PANK3: variants seen among roughly 807,000 people sequenced by gnomAD.
PANK3 encodes hPanK3.
In PANK3, 20 loss-of-function variants were observed where a neutral mutation model predicts 39.4. The ratio of observed to expected loss-of-function variants is 0.51; its 90% CI spans 0.36 to 0.74. The LOEUF is 0.74. Among genes scored for constraint, PANK3 ranks in the 30% least tolerant of loss-of-function variants. The probability of loss-of-function intolerance (pLI) is 0.00; values close to 1 mark genes in which losing one functional copy is unlikely to be tolerated. For missense variants in PANK3, 265 were observed against 437.0 expected, an observed-to-expected ratio of 0.61 and a Z score of 3.51; for synonymous variants, 140 against 157.3, an observed-to-expected ratio of 0.89 and a Z score of 0.82.
At chr5:168,570,149 G>A (rs1488857109) in intron 1 of PANK3, among the ~76,000 whole-genome samples, 3 of 152,134 alleles carry the variant, frequency 2.0e-5, no homozygotes, top group East Asian at 1.9e-4. Flanking sequence ...TTGGGAGGCC[G>A]AGACGGGTGG....
intron 2 of PANK3, among the ~76,000 whole-genome samples, chr5:168,567,661 T>C (rs1255077110): frequency 1.3e-5 from 2 of 152,194 alleles, no homozygotes; most frequent in South Asian, 4.1e-4. Context: ...CTGTCACCCA[T>C]GCTGGAGTGC....
chr5:168,563,736 T>C (rs1439829056), intron 4 of PANK3, among the ~76,000 whole-genome samples, 153 bp downstream of exon 4: 2 of 152,158 alleles, frequency 1.3e-5, no homozygotes, highest in African/African-American at 4.8e-5. Context: ...AATGTATACT[T>C]AATTTTTAAA....
chr5:168,579,198 T>C, intron 1 of PANK3, 58 bp downstream of exon 1: 1 of 1,441,922 alleles, frequency 6.9e-7, no homozygotes, highest in Non-Finnish European at 9.2e-7. Context: ...GCCAAGGGGC[T>C]TTCAGACGGG....
Position 168,552,590 on chromosome 5 carries a change from G to A in PANK3, c.*4981C>T, listed in dbSNP as rs773203815. 2.4e-5 allele frequency: 5 copies of A among 211,226 alleles called. No homozygotes were observed. The East Asian group carries it at 4.6e-4, about 20-fold the overall frequency. 13.1% of individuals were successfully genotyped at this position (211,226 alleles called of 1,614,324 possible). A position where few individuals can be genotyped will look rare whatever the true frequency, so the allele number is the denominator to read the frequency against. ...GTGTGGCCACAGTATTCCAGGGAAC[G>A]GAGTCTGGTCCAACTTCAGAGAAGG... On this transcript the variant is annotated 3_prime_UTR_variant, in exon 7 of 7. Transcript: ENST00000239231.
chr5:168,563,875 A>C lies in PANK3; in HGVS notation c.812+14T>G, dbSNP rs1300319005. Reference sequence around the variant, plus strand: ...TAACTTCTGTAACTTAAATAACACAAATGTTAAACTTACCTAGATGCTACA... The same window carrying C: ...TAACTTCTGTAACTTAAATAACACACATGTTAAACTTACCTAGATGCTACA... On this transcript the variant is annotated intron_variant, in intron 4 of 6. Transcript: ENST00000239231. The C allele has an allele frequency of 6.4e-7, 1 of 1,560,078 alleles. No homozygotes were observed. Among genetic ancestry groups the C allele is most frequent in the Admixed American group, 2.0e-5 (1 of 50,160 alleles).
In PANK3 at chr5:168,553,245, G is replaced by T; in HGVS notation, c.*4326C>A. On this transcript the variant is annotated 3_prime_UTR_variant, in exon 7 of 7. Coordinates refer to ENST00000239231, the MANE Select transcript of PANK3 (RefSeq NM_024594.4). Reference sequence around the variant, plus strand: ...CCAGAATACCAACGACGTCCAGCTGGTTGAGAGCACTAAAGGTACCCCAAA... The same window carrying T: ...CCAGAATACCAACGACGTCCAGCTGTTTGAGAGCACTAAAGGTACCCCAAA... 1.9e-6 allele frequency: 1 copy of T among 513,886 alleles called. No individual in the cohort carries two copies. Among genetic ancestry groups the T allele is most frequent in the Non-Finnish European group, 4.0e-6 (1 of 252,514 alleles). 31.8% of individuals were successfully genotyped at this position (513,886 alleles called of 1,614,324 possible).
In PANK3 at chr5:168,551,749, C is replaced by T. The variant is rs1759273990; in HGVS notation, c.*5822G>A. 1 of 152,036 alleles carries T rather than the reference C, an allele frequency of 6.6e-6. No individual in the cohort carries two copies. Among genetic ancestry groups the T allele is most frequent in the South Asian group, 2.1e-4 (1 of 4,828 alleles). 9.4% of individuals were successfully genotyped at this position (152,036 alleles called of 1,614,324 possible). A position where few individuals can be genotyped will look rare whatever the true frequency, so the allele number is the denominator to read the frequency against. ...GGACTGGTATTTACATTATAGCAAT[C>T]ACATGTACACTCAAAGGTAAAAGAA... On this transcript the variant is annotated 3_prime_UTR_variant, in exon 7 of 7. Transcript: ENST00000239231.
intron 1 of PANK3, among the ~76,000 whole-genome samples, chr5:168,577,028 G>A (rs923461113): frequency 6.6e-6 from 1 of 151,982 alleles, no homozygotes; most frequent in Non-Finnish European, 1.5e-5. Flanking sequence ...CTACAGGCGC[G>A]TGCCACCATG....
At chr5:168,575,469 C>G (rs1178335638) in intron 1 of PANK3, among the ~76,000 whole-genome samples, 5 of 152,100 alleles carry the variant, frequency 3.3e-5, no homozygotes, top group Admixed American at 2.0e-4. Flanking sequence ...ACTAACATAA[C>G]TATTTAATTG....
At chr5:168,562,551 AG>A (rs1480793958) in intron 4 of PANK3, among the ~76,000 whole-genome samples, 5 of 152,226 alleles carry the variant, frequency 3.3e-5, no homozygotes, top group Non-Finnish European at 7.3e-5. Context: ...GGGGTGCACA[AG>A]CAACAATGGT....
chr5:168,561,943 C>T (rs370462582), intron 4 of PANK3, among the ~76,000 whole-genome samples: 4 of 152,296 alleles, frequency 2.6e-5, no homozygotes, highest in African/African-American at 9.6e-5. Flanking sequence ...TAGTCTAGTG[C>T]AGCACTGTCC....
Position 168,559,018 on chromosome 5 carries a change from T to C in PANK3, c.1062+14A>G, listed in dbSNP as rs187125611. 1.5e-4 allele frequency: 244 copies of C among 1,595,556 alleles called. 1 individual carries two copies. In the East Asian group the frequency reaches 5.0e-3, roughly 33 times the overall value. The stretch of plus-strand genomic sequence containing the variant: ...ATGCTATTAAAATTCACAAAAAACA[T>C]TTTCCTACCATACCTCATGTTCTAG... On this transcript the variant is annotated intron_variant, in intron 6 of 6. Coordinates refer to ENST00000239231, the MANE Select transcript of PANK3 (RefSeq NM_024594.4).
At chr5:168,568,413 T>C (rs1253825046) in intron 2 of PANK3, among the ~76,000 whole-genome samples, 1 of 152,240 alleles carries the variant, frequency 6.6e-6, no homozygotes, top group Non-Finnish European at 1.5e-5. Flanking sequence ...ATTGTAGCTT[T>C]GTAGTACAGC....
chr5:168,565,857 T>TA (rs33910263), intron 3 of PANK3, among the ~76,000 whole-genome samples, 156 bp downstream of exon 3: 1,657 of 104,140 alleles, frequency 0.016, 24 homozygotes, highest in African/African-American at 0.029. Context: ...CTCTTTCACT[T>TA]AAAAAAAAAA....
At chr5:168,575,073 G>A (rs558777475) in intron 1 of PANK3, among the ~76,000 whole-genome samples, 1 of 151,676 alleles carries the variant, frequency 6.6e-6, no homozygotes, top group South Asian at 2.1e-4. Context: ...CATTTAAAAA[G>A]CAAAACAAAA....
intron 5 of PANK3, among the ~76,000 whole-genome samples, chr5:168,559,476 T>TGGAAGTGGGCTGTGTGTGTATG (rs1257486460): frequency 3.3e-5 from 5 of 152,116 alleles, no homozygotes; most frequent in African/African-American, 1.2e-4. Flanking sequence ...ATGCTGAGGA[T>TGGAAGTGGGCTGTGTGTGTATG]GGAAGTGGGC....
intron 1 of PANK3, among the ~76,000 whole-genome samples, chr5:168,574,028 C>T (rs11950549): frequency 0.031 from 4,726 of 150,878 alleles, 209 homozygotes; most frequent in African/African-American, 0.1. Context: ...TTTGGGTATA[C>T]ACCCAGTAAT....
chr5:168,560,447 C>T (rs1561839608), intron 5 of PANK3, among the ~76,000 whole-genome samples: 1 of 152,114 alleles, frequency 6.6e-6, no homozygotes, highest in Non-Finnish European at 1.5e-5. Flanking sequence ...TGCCCTATTC[C>T]CAATCCTCTT....
rs1239533813 is a variant in PANK3 at position 168,549,978 on chromosome 5, A to C, written c.*7593T>G. 1.3e-5 allele frequency: 2 copies of C among 152,186 alleles called. No individual in the cohort carries two copies. Among genetic ancestry groups the C allele is most frequent in the African/African-American group, 4.8e-5 (2 of 41,442 alleles). The allele number at this position is 152,186 out of a possible 1,614,324, so 9.4% of individuals were successfully genotyped here. On this transcript the variant is annotated 3_prime_UTR_variant, in exon 7 of 7. Transcript: ENST00000239231. Reference sequence around the variant, plus strand: ...ATCTATCCCCACTCACAATGATCAGAAATAAGAAACAGCTTTTTAAAAAGG... The same window carrying C: ...ATCTATCCCCACTCACAATGATCAGCAATAAGAAACAGCTTTTTAAAAAGG...
Sources: gnomAD v4.1 joint callset for allele counts (sites outside exome capture counted in the v4.1 genomes callset) on GRCh38, gnomAD v4.1.1 for gene constraint, MANE v1.5 for transcripts, NCBI Gene and HGNC (gene_info 2026-07-23, HGNC 2026-07-21) for gene names.